The following HMOX1 variants were observed in gnomAD, a reference collection of about 807,000 sequenced individuals.
HMOX1 encodes the protein heme oxygenase 1.
Under a neutral mutation model 27.8 loss-of-function variants are expected in HMOX1, and 22 were observed. The ratio of observed to expected loss-of-function variants is 0.79; its 90% CI spans 0.57 to 1.13. HMOX1 has a LOEUF of 1.13. Among genes scored for constraint, HMOX1 ranks in the 50% most tolerant of loss-of-function variants. The probability of loss-of-function intolerance (pLI) is 0.00; values close to 1 mark genes in which losing one functional copy is unlikely to be tolerated. For missense variants in HMOX1, 379 were observed against 377.7 expected (o/e 1.00, Z -0.03); for synonymous variants, 153 against 151.6 (o/e 1.01, Z -0.07).
intron 2 of HMOX1, among the ~76,000 whole-genome samples, chr22:35,385,822 CCCAGGCTGGTCTCTTGG>C (rs1294520283): frequency 2.6e-5 from 4 of 151,872 alleles, no homozygotes; most frequent in African/African-American, 7.2e-5. Context: ...CACCATATTG[CCCAGGCTGGTCTCTTGG>C]CCAGGCTGGT....
At chr22:35,385,830 G>A (rs1226226061) in intron 2 of HMOX1, among the ~76,000 whole-genome samples, 2 of 151,912 alleles carry the variant, frequency 1.3e-5, no homozygotes, top group African/African-American at 4.8e-5. Context: ...TGCCCAGGCT[G>A]GTCTCTTGGC....
intron 4 of HMOX1, among the ~76,000 whole-genome samples, 199 bp from the exon 5 acceptor site, chr22:35,393,269 G>A (rs1931768186): frequency 6.6e-6 from 1 of 152,170 alleles, no homozygotes; most frequent in African/African-American, 2.4e-5. Context: ...CAGACAGCTT[G>A]AAGAAGTAGT....
Position 35,393,912 on chromosome 22 carries a change from G to A in HMOX1, c.*314G>A, listed in dbSNP as rs1569059540. On this transcript the variant is annotated 3_prime_UTR_variant, in exon 5 of 5. Coordinates refer to ENST00000216117, the MANE Select transcript of HMOX1 (RefSeq NM_002133.3). ...TGGCAGCTGTCTCAAACCTCCAAAA[G>A]CCCTGAGTTTCAAGTATCCTTGTTG... 2.6e-6 allele frequency: 1 copy of A among 386,746 alleles called. No homozygotes were observed. The highest frequency in any genetic ancestry group is 6.2e-5 in the East Asian group (1 of 16,072). The allele number at this position is 386,746 out of a possible 1,614,324, so 24.0% of individuals were successfully genotyped here. A position where few individuals can be genotyped will look rare whatever the true frequency, so the allele number is the denominator to read the frequency against.
At chr22:35,384,308 T>C (rs889090550) in intron 2 of HMOX1, among the ~76,000 whole-genome samples, 1 of 152,042 alleles carries the variant, frequency 6.6e-6, no homozygotes, top group African/African-American at 2.4e-5. Context: ...GGTCTCGAAC[T>C]CCTGACCTCA....
intron 1 of HMOX1, 90 bp downstream of exon 1, chr22:35,381,286 C>T: frequency 6.9e-7 from 1 of 1,439,372 alleles, no homozygotes; most frequent in South Asian, 1.2e-5. Flanking sequence ...TGCCACACAG[C>T]GACAGAGCCC....
At chr22:35,382,605 T>C (rs917859441) in intron 1 of HMOX1, among the ~76,000 whole-genome samples, 8 of 149,112 alleles carry the variant, frequency 5.4e-5, no homozygotes, top group African/African-American at 2.0e-4. Context: ...TCAGGTGATC[T>C]GCCCGCCTCA....
intron 4 of HMOX1, among the ~76,000 whole-genome samples, chr22:35,393,212 G>A (rs991625620): frequency 6.6e-6 from 1 of 152,156 alleles, no homozygotes; most frequent in Non-Finnish European, 1.5e-5. Flanking sequence ...AACCACGCCT[G>A]GGCCCAAGAA....
At chr22:35,381,394 C>T in intron 1 of HMOX1, 198 bp downstream of exon 1, 1 of 633,804 alleles carries the variant, frequency 1.6e-6, no homozygotes, top group Non-Finnish European at 2.7e-6. Flanking sequence ...AATTTACATG[C>T]CTGGCACCCT....
Position 35,393,972 on chromosome 22 carries a change from C to T in HMOX1, c.*374C>T. 6.0e-6 allele frequency: 2 copies of T among 333,404 alleles called. No homozygotes were observed. Among genetic ancestry groups the T allele is most frequent in the South Asian group, 2.6e-5 (1 of 38,828 alleles). The allele number at this position is 333,404 out of a possible 1,614,324, so 20.7% of individuals were successfully genotyped here. A position where few individuals can be genotyped will look rare whatever the true frequency, so the allele number is the denominator to read the frequency against. On this transcript the variant is annotated 3_prime_UTR_variant, in exon 5 of 5. Coordinates refer to ENST00000216117, the MANE Select transcript of HMOX1 (RefSeq NM_002133.3). ...TGACCACTTTCCCCGTGGGCCATGG[C>T]AATTTTTACACAAACCTGAAAAGAT...
intron 2 of HMOX1, among the ~76,000 whole-genome samples, chr22:35,385,348 C>G (rs1240118278): frequency 6.6e-6 from 1 of 152,090 alleles, no homozygotes; most frequent in Non-Finnish European, 1.5e-5. Context: ...TCATTTCTTA[C>G]TAGCTGTGCA....
rs1381489947 is a variant in HMOX1, at chr22:35,393,620, G to A, written c.*22G>A. On this transcript the variant is annotated 3_prime_UTR_variant, in exon 5 of 5. Transcript: ENST00000216117. ...GTGAATGCAGGCATGCTGGCTCCCA[G>A]GGCCATGAACTTTGTCCGGTGGAAG... 8 of 1,613,948 alleles carry A rather than the reference G, an allele frequency of 5.0e-6. No homozygotes were observed. Among genetic ancestry groups the A allele is most frequent in the Non-Finnish European group, 5.9e-6 (7 of 1,179,878 alleles).
At chr22:35,386,030 A>G (rs1931494315) in intron 2 of HMOX1, among the ~76,000 whole-genome samples, 1 of 149,864 alleles carries the variant, frequency 6.7e-6, no homozygotes, top group South Asian at 2.1e-4. Flanking sequence ...ATCTCAGCTC[A>G]CTGCAAGCTC....
At chr22:35,393,179 C>A (rs1371256714) in intron 4 of HMOX1, among the ~76,000 whole-genome samples, 1 of 152,180 alleles carries the variant, frequency 6.6e-6, no homozygotes, top group African/African-American at 2.4e-5. Flanking sequence ...AAGGAGAGGA[C>A]AGGGAGCAGG....
At chr22:35,382,269 T>C (rs73172715) in intron 1 of HMOX1, among the ~76,000 whole-genome samples, 5,681 of 152,282 alleles carry the variant, frequency 0.037, 117 homozygotes, top group Middle Eastern at 0.082. Context: ...TTTTAATGAC[T>C]GAAGAGTGTT....
At chr22:35,382,987 C>G (rs1206607661) in intron 1 of HMOX1, 119 bp from the exon 2 acceptor site, 1 of 1,380,164 alleles carries the variant, frequency 7.2e-7, no homozygotes, top group African/African-American at 1.4e-5. Context: ...CGATTGAGAA[C>G]GTGGCCTGAA....
In HMOX1 at chr22:35,386,816, C is replaced by T. The variant is rs1931519282; in HGVS notation, c.276C>T (p.Asp92=). The T allele has an allele frequency of 1.2e-6, 2 of 1,614,218 alleles. No individual in the cohort carries two copies. Among genetic ancestry groups the T allele is most frequent in the Non-Finnish European group, 1.7e-6 (2 of 1,180,034 alleles). The change falls in exon 3 of 5, where the codon GAC becomes GAT. Residue 92 remains aspartate (D), a synonymous_variant. Coordinates refer to ENST00000216117, the MANE Select transcript of HMOX1 (RefSeq NM_002133.3). ...ELHRKAALEQ[D]LAFWYGPRWQ... The stretch of plus-strand genomic sequence containing the variant: ...ACCGCAAGGCTGCCCTGGAGCAGGA[C>T]CTGGCCTTCTGGTACGGGCCCCGCT...
At chr22:35,383,322 AC>A in intron 2 of HMOX1, 96 bp downstream of exon 2, 1 of 1,357,298 alleles carries the variant, frequency 7.4e-7, no homozygotes, top group Non-Finnish European at 1.0e-6. Flanking sequence ...ATGCTGAGGG[AC>A]CAGATGGGCA....
At chr22:35,391,889 G>A (rs1271403319) in intron 4 of HMOX1, among the ~76,000 whole-genome samples, 1 of 151,548 alleles carries the variant, frequency 6.6e-6, no homozygotes, top group African/African-American at 2.4e-5. Context: ...TGGATTTGAT[G>A]GCTCATGGAA....
intron 3 of HMOX1, among the ~76,000 whole-genome samples, chr22:35,389,159 A>C (rs528241170): frequency 4.2e-4 from 63 of 151,264 alleles, no homozygotes; most frequent in Admixed American, 7.9e-4. Context: ...GGAACATCTT[A>C]TCTCTTAAGG....
Sources: gnomAD v4.1 joint callset for allele counts (sites outside exome capture counted in the v4.1 genomes callset) on GRCh38, gnomAD v4.1.1 for gene constraint, MANE v1.5 for transcripts, NCBI Gene and HGNC (gene_info 2026-07-23, HGNC 2026-07-21) for gene names.